CCDC180: variants seen among roughly 807,000 people sequenced by gnomAD.
CCDC180 encodes the protein coiled-coil domain containing 180.
A neutral mutation model predicts 209.2 loss-of-function variants in CCDC180; 154 were observed. The observed-to-expected ratio is 0.74, with a 90% confidence interval of 0.65 to 0.84. The LOEUF (loss-of-function observed/expected upper bound fraction) is 0.84. Ranked by LOEUF, CCDC180 falls within the 40% of genes least tolerant of loss-of-function variation. The pLI is 0.00. For synonymous variants in CCDC180, 778 were observed against 749.1 expected (o/e 1.04, Z -0.63); for missense variants, 1,874 against 1,997.3 (o/e 0.94, Z 1.18).
At chr9:97,319,983 C>A in intron 10 of CCDC180, 143 bp from the exon 11 acceptor site, 1 of 689,558 alleles carries the variant, frequency 1.5e-6, no homozygotes, top group South Asian at 1.8e-5. Flanking sequence ...TGTTTTGGCA[C>A]CAGGAAATCC....
At chr9:97,343,223 G>A in intron 18 of CCDC180, 117 bp from the exon 19 acceptor site, 1 of 616,250 alleles carries the variant, frequency 1.6e-6, no homozygotes, top group Non-Finnish European at 2.8e-6. Flanking sequence ...GCAAGATTCG[G>A]CCCATAATCT....
At position 97,344,579 on chromosome 9, in the gene CCDC180, G is replaced by A. The variant is rs187560119; in HGVS notation, c.2498+1016G>A. 5.6e-4 allele frequency among the ~76,000 whole-genome samples: 85 copies of A among 152,204 alleles called. 1 individual carries two copies. Among genetic ancestry groups the A allele is most frequent in the African/African-American group, 2.0e-3 (83 of 41,514 alleles). Reference sequence around the variant, plus strand: ...CCATTTTACAGATGAAGAAACTGAGGCTCAGAGAGTTAGTCATTTGGCCTA... The same window carrying A: ...CCATTTTACAGATGAAGAAACTGAGACTCAGAGAGTTAGTCATTTGGCCTA... On this transcript the variant is annotated intron_variant, in intron 19 of 36. Coordinates refer to ENST00000529487, the MANE Select transcript of CCDC180 (RefSeq NM_020893.6).
chr9:97,325,699 G>A (rs550408758), intron 14 of CCDC180, among the ~76,000 whole-genome samples: 15 of 152,268 alleles, frequency 9.9e-5, no homozygotes, highest in South Asian at 2.1e-4. Context: ...GCTTGCAAGC[G>A]AACACAGTGG....
intron 26 of CCDC180, 98 bp downstream of exon 26, chr9:97,360,199 A>T (rs892220713): frequency 7.0e-7 from 1 of 1,431,078 alleles, no homozygotes; most frequent in African/African-American, 1.4e-5. Context: ...GGAAGAGGGG[A>T]CTCCCAGGCC....
At chr9:97,341,150 T>C (rs904954700) in intron 18 of CCDC180, among the ~76,000 whole-genome samples, 2 of 152,154 alleles carry the variant, frequency 1.3e-5, no homozygotes, top group Non-Finnish European at 2.9e-5. Context: ...TTACCCATCA[T>C]TGGAGATGAC....
chr9:97,340,369 T>C (rs2118755908), intron 18 of CCDC180, among the ~76,000 whole-genome samples: 1 of 152,240 alleles, frequency 6.6e-6, no homozygotes, highest in South Asian at 2.1e-4. Flanking sequence ...TTTTTGTTGA[T>C]TGTGGGCGGC....
chr9:97,347,758 G>A (rs1587818087), intron 20 of CCDC180: 2 of 365,220 alleles, frequency 5.5e-6, no homozygotes, highest in East Asian at 5.5e-5. Context: ...GTGTTGTACT[G>A]TTTTAGCTCT....
chr9:97,333,503 G>GTTTTTGTTTTTTTTTTTTTTTT (rs1564157871), intron 18 of CCDC180, among the ~76,000 whole-genome samples: 2 of 72,850 alleles, frequency 2.7e-5, no homozygotes, highest in African/African-American at 6.9e-5. Flanking sequence ...CTGGGTTTGG[G>GTTTTTGTTTTTTTTTTTTTTTT]TTTTTTTTTT....
At chr9:97,370,820 A>G (rs756925709) in intron 33 of CCDC180, 42 bp downstream of exon 33, 2 of 1,601,646 alleles carry the variant, frequency 1.2e-6, no homozygotes, top group Non-Finnish European at 1.7e-6. Flanking sequence ...CATGCTCCAA[A>G]TATAGCCCGA....
At chr9:97,367,948 G>C (rs1256688101) in intron 31 of CCDC180, among the ~76,000 whole-genome samples, 1 of 152,158 alleles carries the variant, frequency 6.6e-6, no homozygotes, top group East Asian at 1.9e-4. Flanking sequence ...GCATTGTTTT[G>C]TTTCTCTAGC....
Position 97,313,317 on chromosome 9 carries a change from T to G in CCDC180, c.431T>G (p.Phe144Cys). 1 of 1,611,980 alleles carries G rather than the reference T, an allele frequency of 6.2e-7. No individual in the cohort carries two copies. The highest frequency in any genetic ancestry group is 2.2e-5 in the East Asian group (1 of 44,762). ...AGCTACGAGAGCGCTCTGGCCAGCT[T>G]TCAGGAGGAGATTGCGCAGGTGGGA... is the stretch of plus-strand genomic sequence containing the variant. ...RKSYESALAS[F>C]QEEIAQVGKE... Residue 144 changes from phenylalanine to cysteine, a missense_variant, in exon 5 of 37, where the codon TTT becomes TGT. Coordinates refer to ENST00000529487, the MANE Select transcript of CCDC180 (RefSeq NM_020893.6).
chr9:97,312,539 T>C (rs996134792), intron 4 of CCDC180, among the ~76,000 whole-genome samples: 2 of 152,192 alleles, frequency 1.3e-5, no homozygotes, highest in Non-Finnish European at 2.9e-5. Flanking sequence ...TTTGACCTTA[T>C]CCTAATATAG....
chr9:97,344,057 G>GT (rs576087002), intron 19 of CCDC180, among the ~76,000 whole-genome samples: 28 of 152,234 alleles, frequency 1.8e-4, no homozygotes, highest in Admixed American at 7.2e-4. Context: ...CTGCCAAAGA[G>GT]TTTTTTTGCA....
intron 25 of CCDC180, 88 bp from the exon 26 acceptor site, chr9:97,359,894 C>T: frequency 6.5e-7 from 1 of 1,539,046 alleles, no homozygotes; most frequent in Non-Finnish European, 8.9e-7. Context: ...CTCATCAGCC[C>T]AGCCCCTGTT....
At chr9:97,336,755 G>A (rs1222138328) in intron 18 of CCDC180, among the ~76,000 whole-genome samples, 1 of 152,174 alleles carries the variant, frequency 6.6e-6, no homozygotes, top group Non-Finnish European at 1.5e-5. Flanking sequence ...AACTTGGGCA[G>A]TATGGCCATT....
intron 25 of CCDC180, 77 bp from the exon 26 acceptor site, chr9:97,359,905 C>A: frequency 6.4e-7 from 1 of 1,571,056 alleles, no homozygotes; most frequent in Non-Finnish European, 8.7e-7. Flanking sequence ...AGCCCCTGTT[C>A]CCGCACTTCC....
chr9:97,325,973 A>G (rs1470605080), intron 14 of CCDC180, among the ~76,000 whole-genome samples: 1 of 152,234 alleles, frequency 6.6e-6, no homozygotes, highest in Non-Finnish European at 1.5e-5. Flanking sequence ...GAATAACTCC[A>G]AGTTCTCCTA....
At position 97,365,867 on chromosome 9, in the gene CCDC180, C is replaced by T. The variant is rs1826906730; in HGVS notation, c.4047+128C>T. 4 of 767,242 alleles carry T rather than the reference C, an allele frequency of 5.2e-6. No individual in the cohort carries two copies. In the East Asian group the frequency reaches 7.9e-5, roughly 15 times the overall value. 47.5% of individuals were successfully genotyped at this position (767,242 alleles called of 1,614,324 possible). A position where few individuals can be genotyped will look rare whatever the true frequency, so the allele number is the denominator to read the frequency against. The stretch of plus-strand genomic sequence containing the variant: ...TCCACCCCCGCCATGACCACAGCTC[C>T]CCAGCTTCTGTCACCTCCCTATGAG... On this transcript the variant is annotated intron_variant, in intron 30 of 36. Transcript: ENST00000529487.
In CCDC180 at chr9:97,366,794, T is replaced by C. The variant is rs1826936636; in HGVS notation, c.4189+94T>C. The C allele has an allele frequency of 7.5e-7, 1 of 1,329,908 alleles. No homozygotes were observed. The highest frequency in any genetic ancestry group is 2.5e-5 in the East Asian group (1 of 40,762). 82.4% of individuals were successfully genotyped at this position (1,329,908 alleles called of 1,614,324 possible). ...TGGCCTTGTGGCCTGGATCCTCCCC[T>C]CTGGGGGAGGCAGAAGAGCTTCCCT... On this transcript the variant is annotated intron_variant, in intron 31 of 36. Coordinates refer to ENST00000529487, the MANE Select transcript of CCDC180 (RefSeq NM_020893.6). The surrounding 1 kb of genome is among the most constrained non-coding windows in gnomAD (Gnocchi z 4.3).
Sources: allele counts gnomAD v4.1 joint callset (sites outside exome capture counted in the v4.1 genomes callset), GRCh38; gene constraint gnomAD v4.1.1; non-coding constraint Gnocchi (gnomAD v3.1); transcripts MANE v1.5; gene names NCBI Gene and HGNC (gene_info 2026-07-23, HGNC 2026-07-21).